DNAH7: variants seen among roughly 807,000 people sequenced by gnomAD.
DNAH7 encodes the protein axonemal beta dynein heavy chain 7.
A neutral mutation model predicts 444.6 loss-of-function variants in DNAH7; 397 were observed. The ratio of observed to expected loss-of-function variants is 0.89; its 90% confidence interval spans 0.82 to 0.97. The LOEUF is 0.97. Among genes scored for constraint, DNAH7 ranks in the 50% least tolerant of loss-of-function variants. The pLI is 0.00. For missense variants in DNAH7, 4,902 were observed against 4,800.8 expected (o/e 1.02, Z -0.62); for synonymous variants, 1,636 against 1,624.4 (o/e 1.01, Z -0.17).
chr2:195,934,921 C>A lies in DNAH7; in HGVS notation c.3273-132G>T, dbSNP rs971110638. 1.7e-5 allele frequency: 16 copies of A among 927,868 alleles called. 1 individual carries two copies. The South Asian group carries it at 2.8e-4, about 16-fold the overall frequency. 57.5% of individuals were successfully genotyped at this position (927,868 alleles called of 1,614,324 possible). ...AATGCTGTGCAAAAACCGGAAACCC[C>A]CAAAACAAACAAACAAAAAACACAA... On this transcript the variant is annotated intron_variant, in intron 20 of 64. Transcript: ENST00000312428.
intron 47 of DNAH7, among the ~76,000 whole-genome samples, chr2:195,835,466 T>C (rs1276064202): frequency 2.0e-5 from 3 of 151,160 alleles, no homozygotes; most frequent in Non-Finnish European, 4.4e-5. Flanking sequence ...CATTATAACA[T>C]GAAATTGGAA....
chr2:195,817,646 C>A, intron 50 of DNAH7, 50 bp downstream of exon 50: 1 of 1,516,958 alleles, frequency 6.6e-7, no homozygotes, highest in Non-Finnish European at 8.8e-7. Flanking sequence ...TTAATTCATT[C>A]TAGTGATCTA....
intron 63 of DNAH7, among the ~76,000 whole-genome samples, chr2:195,747,915 A>C (rs1009970727): frequency 5.0e-4 from 76 of 152,328 alleles, no homozygotes; most frequent in Non-Finnish European, 8.2e-4. Context: ...TTCCCTTTGA[A>C]AACTGGCACA....
At chr2:195,787,251 A>C in intron 57 of DNAH7, 80 bp from the exon 58 acceptor site, 1 of 1,429,922 alleles carries the variant, frequency 7.0e-7, no homozygotes, top group Non-Finnish European at 9.4e-7. Flanking sequence ...AAATGAAAGC[A>C]AATTTCTTTC....
At chr2:195,810,289 A>G (rs1323851425) in intron 51 of DNAH7, among the ~76,000 whole-genome samples, 1 of 152,212 alleles carries the variant, frequency 6.6e-6, no homozygotes, top group Non-Finnish European at 1.5e-5. Context: ...TAAATTTAGT[A>G]TTGTGCTACT....
At position 196,026,791 on chromosome 2, in the gene DNAH7, C is replaced by T. The variant is rs1033933148; in HGVS notation, c.636G>A (p.Glu212=). Residue 212 remains glutamate (E), a synonymous_variant, in exon 7 of 65, where the codon GAG becomes GAA. Coordinates refer to ENST00000312428, the MANE Select transcript of DNAH7 (RefSeq NM_018897.3). ...SIVTLSDEMR[E]DYLLSVRKSI... ...ATTTCCTTACACTAAGAAGATAATC[C>T]TCTCTCATTTCATCAGATAATGTAA... is the stretch of plus-strand genomic sequence containing the variant. The T allele has an allele frequency of 1.9e-6, 3 of 1,611,786 alleles. No individual in the cohort carries two copies. Among genetic ancestry groups the T allele is most frequent in the Non-Finnish European group, 2.5e-6 (3 of 1,178,628 alleles).
rs750144058 is a variant in DNAH7 at position 195,817,762 on chromosome 2, GCCA to G, written c.9356_9358del (p.Val3119del). On this transcript the variant is annotated inframe_deletion, in exon 50 of 65. Transcript: ENST00000312428. ...TTCTTCAAGGTCTGGCCTTTCTTGT[GCCA>G]CCACAATTCCCAGAAGCTGATCTTG... The G allele has an allele frequency of 4.3e-6, 7 of 1,613,024 alleles. No individual in the cohort carries two copies. Among genetic ancestry groups the G allele is most frequent in the Non-Finnish European group, 5.9e-6 (7 of 1,179,554 alleles).
In DNAH7 at chr2:195,895,173, T is replaced by C. The variant is rs1702236603; in HGVS notation, c.4699A>G (p.Asn1567Asp). 6.2e-7 allele frequency: 1 copy of C among 1,612,452 alleles called. No homozygotes were observed. The highest frequency in any genetic ancestry group is 1.7e-5 in the Admixed American group (1 of 60,012). ...PGVKLPKPDY[N>D]DLLAAIKDNC... ...TCTTTGATAGCTGCCAGCAAATCAT[T>C]GTAATCTGGTTTTGGTAATTTTACC... The change falls in exon 30 of 65, where the codon AAT becomes GAT. Residue 1567 changes from asparagine to aspartate, a missense_variant. By Grantham distance (23) the Asn-to-Asp change is conservative. Transcript: ENST00000312428.
rs2125091528 is a variant in DNAH7 at position 195,864,275 on chromosome 2, C to T, written c.7380G>A (p.Met2460Ile). ...GTTGGCTGCGGCAATGATCAATAAA[C>T]ATGTTGAAAAGGGCTATGGGGCTGC... ...TDGSPIALFN[M>I]FIDHCRSQLH... Residue 2460 changes from methionine to isoleucine, a missense_variant, in exon 41 of 65, where the codon ATG becomes ATA. By Grantham distance (10) the Met-to-Ile change is conservative. Transcript: ENST00000312428. 1 of 1,614,166 alleles carries T rather than the reference C, an allele frequency of 6.2e-7. No homozygotes were observed. Among genetic ancestry groups the T allele is most frequent in the East Asian group, 2.2e-5 (1 of 44,884 alleles).
intron 27 of DNAH7, chr2:195,903,208 G>A (rs1386637398): frequency 6.6e-6 from 1 of 151,970 alleles, no homozygotes; most frequent in Non-Finnish European, 1.5e-5. Flanking sequence ...ACTTTCTGGA[G>A]CATGCTTTCA....
chr2:195,897,193 A>C (rs1702370651), intron 29 of DNAH7, among the ~76,000 whole-genome samples: 1 of 152,196 alleles, frequency 6.6e-6, no homozygotes, highest in South Asian at 2.1e-4. Flanking sequence ...CATAATCTTA[A>C]ATTATAATAA....
intron 17 of DNAH7, among the ~76,000 whole-genome samples, chr2:195,967,740 T>C (rs975707403): frequency 6.6e-6 from 1 of 152,216 alleles, no homozygotes; most frequent in Non-Finnish European, 1.5e-5. Context: ...TTGTGTGCTA[T>C]TTGTTTCTTT....
intron 44 of DNAH7, among the ~76,000 whole-genome samples, chr2:195,857,171 T>G (rs1699762792): frequency 6.6e-6 from 1 of 152,184 alleles, no homozygotes; most frequent in African/African-American, 2.4e-5. Context: ...TATAAACAGT[T>G]CCTGAGTCCA....
At position 195,972,460 on chromosome 2, in the gene DNAH7, T is replaced by G. The variant is rs778794295; in HGVS notation, c.1840A>C (p.Ile614Leu). The change falls in exon 16 of 65, where the codon ATT becomes CTT. Residue 614 changes from isoleucine to leucine, a missense_variant. Transcript: ENST00000312428. ...ATATCAGTTACCTCCACTTTCTGAA[T>G]GTAAGCCTGAGGGAAAACAAAAATT... ...TAELMEMKAY[I>L]QKVEVTDMIE... 3.1e-6 allele frequency: 5 copies of G among 1,613,754 alleles called. No individual in the cohort carries two copies. Among genetic ancestry groups the G allele is most frequent in the Admixed American group, 1.7e-5 (1 of 60,018 alleles).
chr2:195,904,011 A>G (rs1686864212), intron 27 of DNAH7: 1 of 152,248 alleles, frequency 6.6e-6, no homozygotes, highest in Non-Finnish European at 1.5e-5. Flanking sequence ...GAAGGGCCAC[A>G]CTGAAGCTCT....
intron 1 of DNAH7, among the ~76,000 whole-genome samples, chr2:196,065,889 A>T (rs1483509464): frequency 1.3e-5 from 2 of 152,240 alleles, no homozygotes; most frequent in African/African-American, 4.8e-5. Flanking sequence ...TCCAAAGGAA[A>T]ACTACACTCT....
intron 24 of DNAH7, among the ~76,000 whole-genome samples, chr2:195,916,144 G>T (rs529006508): frequency 3.3e-5 from 5 of 152,070 alleles, no homozygotes; most frequent in Non-Finnish European, 5.9e-5. Flanking sequence ...AATTCAAAAT[G>T]GATCACAGAC....
At chr2:195,786,988 C>G (rs200556395) in intron 58 of DNAH7, 22 bp downstream of exon 58, 1 of 1,546,540 alleles carries the variant, frequency 6.5e-7, no homozygotes, top group Non-Finnish European at 8.7e-7. Context: ...AGGTAATGTC[C>G]TTGCTGTGAT....
At chr2:195,872,916 A>C (rs879871327) in intron 39 of DNAH7, among the ~76,000 whole-genome samples, 10 of 151,814 alleles carry the variant, frequency 6.6e-5, no homozygotes, top group Admixed American at 1.3e-4. Context: ...AAATACGTAA[A>C]AAAAATAAGG....
Sources: gnomAD v4.1 joint callset for allele counts (sites outside exome capture counted in the v4.1 genomes callset) on GRCh38, gnomAD v4.1.1 for gene constraint, MANE v1.5 for transcripts, NCBI Gene and HGNC (gene_info 2026-07-23, HGNC 2026-07-21) for gene names.